The following CCAR2 variants were observed in gnomAD, a reference collection of about 807,000 sequenced individuals.
CCAR2 encodes cell cycle and apoptosis regulator 2.
CCAR2 carries 21 observed loss-of-function variants against 108.1 expected under a neutral mutation model. The observed-to-expected ratio is 0.19, with a 90% confidence interval of 0.14 to 0.28. The LOEUF is 0.28. Among genes scored for constraint, CCAR2 ranks in the 10% least tolerant of loss-of-function variants. The pLI, the probability that CCAR2 is intolerant of heterozygous loss-of-function variation, is 1.00. For missense variants in CCAR2, 1,126 were observed against 1,177.0 expected (o/e 0.96, Z 0.63); for synonymous variants, 577 against 472.8 (o/e 1.22, Z -2.86).
chr8:22,618,082 G>A, intron 16 of CCAR2: 1 of 595,038 alleles, frequency 1.7e-6, no homozygotes, highest in Non-Finnish European at 3.0e-6. Flanking sequence ...CAAGGTGCTT[G>A]ATGTTTTGTT....
rs1045467907 is a variant in CCAR2 at position 22,620,382 on chromosome 8, C to T, written c.*700C>T. 1 of 151,116 alleles carries T rather than the reference C, an allele frequency of 6.6e-6. No individual in the cohort carries two copies. The highest frequency in any genetic ancestry group is 1.5e-5 in the Non-Finnish European group (1 of 67,760). 9.4% of individuals were successfully genotyped at this position (151,116 alleles called of 1,614,324 possible). On this transcript the variant is annotated 3_prime_UTR_variant, in exon 21 of 21. Coordinates refer to ENST00000308511, the MANE Select transcript of CCAR2 (RefSeq NM_001393997.1). ...ATAATTCTTGCCTCTTTCCATAATC[C>T]GTGGTTTCAGTTTGACTTTGTATAT...
intron 20 of CCAR2, 24 bp downstream of exon 20, chr8:22,619,379 G>A (rs1554563271): frequency 6.5e-7 from 1 of 1,549,376 alleles, no homozygotes; most frequent in Non-Finnish European, 8.7e-7. Context: ...GGACCAGGAG[G>A]CAGCACAGCT....
intron 6 of CCAR2, 134 bp downstream of exon 6, chr8:22,607,459 TG>T: frequency 1.1e-6 from 1 of 929,388 alleles, no homozygotes; most frequent in Non-Finnish European, 1.5e-6. Flanking sequence ...TCTGGATAGG[TG>T]TTTAGGGTTT....
intron 20 of CCAR2, 96 bp from the exon 21 acceptor site, chr8:22,619,542 G>A (rs1321067157): frequency 2.8e-6 from 4 of 1,448,410 alleles, no homozygotes; most frequent in Non-Finnish European, 3.8e-6. Context: ...TCAGCAGCGT[G>A]CAGTGGGAGC....
chr8:22,617,193 C>T (rs1304638743), intron 14 of CCAR2, among the ~76,000 whole-genome samples: 1 of 152,088 alleles, frequency 6.6e-6, no homozygotes, highest in Non-Finnish European at 1.5e-5. Context: ...GTAATTTCTT[C>T]TGGGACCAAG....
rs1801052532 is a variant in CCAR2, at chr8:22,605,796, G to A, written c.23G>A (p.Arg8Gln). Residue 8 changes from arginine (R) to glutamine (Q), a missense_variant, in exon 2 of 21, where the codon CGG becomes CAG. Transcript: ENST00000308511. ...CCAATGTCCCAGTTTAAGCGCCAGC[G>A]GATCAACCCGCTTCCAGGGGGACGC... is the stretch of plus-strand genomic sequence containing the variant. MSQFKRQ[R>Q]INPLPGGRNF... 1 of 1,614,032 alleles carries A rather than the reference G, an allele frequency of 6.2e-7. No homozygotes were observed. The highest frequency in any genetic ancestry group is 8.5e-7 in the Non-Finnish European group (1 of 1,179,952).
chr8:22,617,904 G>A, intron 16 of CCAR2, 126 bp downstream of exon 16: 1 of 974,632 alleles, frequency 1.0e-6, no homozygotes, highest in Non-Finnish European at 1.6e-6. Flanking sequence ...CACACAGTGT[G>A]GTCCTTGGCT....
intron 3 of CCAR2, 141 bp from the exon 4 acceptor site, chr8:22,606,465 AC>A: frequency 1.4e-6 from 1 of 698,978 alleles, no homozygotes; most frequent in South Asian, 1.7e-5. Context: ...GAGTATGCCC[AC>A]CACACCTGTA....
chr8:22,615,558 G>C lies in CCAR2; in HGVS notation c.1339G>C (p.Ala447Pro), dbSNP rs201897291. 27 of 1,613,864 alleles carry C rather than the reference G, an allele frequency of 1.7e-5. No individual in the cohort carries two copies. Among genetic ancestry groups the C allele is most frequent in the Non-Finnish European group, 2.2e-5 (26 of 1,180,036 alleles). Reference sequence around the variant, plus strand: ...GTGGGAGGCCCTGTGCCAGCAGAAAGCTGCAGAGGCAGCTCCCCCAACCCA... The same window carrying C: ...GTGGGAGGCCCTGTGCCAGCAGAAACCTGCAGAGGCAGCTCCCCCAACCCA... ...EEWEALCQQK[A>P]AEAAPPTQEA... The change falls in exon 12 of 21, where the codon GCT (alanine) becomes CCT (proline). Residue 447 changes from alanine (A) to proline (P), a missense_variant. By Grantham distance (27) the Ala-to-Pro change is conservative. Coordinates refer to ENST00000308511, the MANE Select transcript of CCAR2 (RefSeq NM_001393997.1).
chr8:22,611,286 G>A (rs1801264125), intron 7 of CCAR2, among the ~76,000 whole-genome samples: 1 of 151,152 alleles, frequency 6.6e-6, no homozygotes, highest in South Asian at 2.1e-4. Context: ...GCTTGAACCC[G>A]GGAGGCAGAA....
At chr8:22,606,823 T>C in intron 4 of CCAR2, 87 bp from the exon 5 acceptor site, 1 of 1,510,340 alleles carries the variant, frequency 6.6e-7, no homozygotes, top group Non-Finnish European at 9.2e-7. Flanking sequence ...GTGGGAAATC[T>C]TGATGGGAAA....
chr8:22,621,484 CCCGCTG>C (rs753873761), downstream of CCAR2: 2 of 1,613,836 alleles, frequency 1.2e-6, no homozygotes, highest in Non-Finnish European at 1.7e-6. Flanking sequence ...TTCTCCCGCT[CCCGCTG>C]CTCATCGGAG....
intron 3 of CCAR2, 45 bp from the exon 4 acceptor site, chr8:22,606,562 C>T (rs781310578): frequency 3.0e-5 from 45 of 1,497,298 alleles, no homozygotes; most frequent in Non-Finnish European, 4.0e-5. Flanking sequence ...GTGATTTTGT[C>T]CAGTTTCCTC....
intron 11 of CCAR2, 62 bp from the exon 12 acceptor site, chr8:22,615,363 G>T: frequency 6.4e-7 from 1 of 1,562,142 alleles, no homozygotes; most frequent in South Asian, 1.2e-5. Flanking sequence ...CCTTGCCTGT[G>T]AACGTGGTGT....
intron 10 of CCAR2, 74 bp from the exon 11 acceptor site, chr8:22,614,762 GGT>G (rs1387319775): frequency 6.3e-7 from 1 of 1,590,714 alleles, no homozygotes; most frequent in East Asian, 2.3e-5. Context: ...CATCCTGATG[GGT>G]GGCAGCCTTG....
At chr8:22,613,725 G>C (rs528429636) in intron 8 of CCAR2, among the ~76,000 whole-genome samples, 1 of 152,294 alleles carries the variant, frequency 6.6e-6, no homozygotes, top group African/African-American at 2.4e-5. Context: ...TTGTAAGTGA[G>C]ATTGAGCATA....
rs1408669483 is a variant in CCAR2 at position 22,604,835 on chromosome 8, GC to G, written c.-43del. 4.4e-6 allele frequency: 2 copies of G among 454,252 alleles called. No homozygotes were observed. The highest frequency in any genetic ancestry group is 3.1e-5 in the South Asian group (2 of 64,422). 28.1% of individuals were successfully genotyped at this position (454,252 alleles called of 1,614,324 possible). On this transcript the variant is annotated 5_prime_UTR_variant, in exon 1 of 21. Coordinates refer to ENST00000308511, the MANE Select transcript of CCAR2 (RefSeq NM_001393997.1). Reference sequence around the variant, plus strand: ...TTGTCCCCCCGGTGTCGCTGCCCTGGCCCGCAGGTGGGTTGGGGGGCCCCCT... The same window carrying G: ...TTGTCCCCCCGGTGTCGCTGCCCTGGCCGCAGGTGGGTTGGGGGGCCCCCT...
At position 22,613,118 on chromosome 8, in the gene CCAR2, C is replaced by G. The variant is rs1317710585; in HGVS notation, c.686C>G (p.Thr229Ser). The G allele has an allele frequency of 6.2e-7, 1 of 1,606,558 alleles. No homozygotes were observed. Among genetic ancestry groups the G allele is most frequent in the Admixed American group, 1.7e-5 (1 of 58,358 alleles). ...HDLPPYRVHL[T>S]PYTVDSPICD... ...CTGCCTCCTTACCGGGTCCACCTCA[C>G]TCCTTACACTGTGGACAGGTGAGTG... The change falls in exon 8 of 21, where the codon ACT (threonine) becomes AGT (serine). Residue 229 changes from threonine (T) to serine (S), a missense_variant. Coordinates refer to ENST00000308511, the MANE Select transcript of CCAR2 (RefSeq NM_001393997.1).
chr8:22,618,889 C>T lies in CCAR2; in HGVS notation c.2395C>T (p.His799Tyr). 6.2e-7 allele frequency: 1 copy of T among 1,614,020 alleles called. No homozygotes were observed. The highest frequency in any genetic ancestry group is 8.5e-7 in the Non-Finnish European group (1 of 1,180,050). Residue 799 changes from histidine (H) to tyrosine (Y), a missense_variant, in exon 19 of 21, where the codon CAC (histidine) becomes TAC (tyrosine). Physicochemically the swap from His to Tyr is moderately conservative, Grantham distance 83 (BLOSUM62 2). Coordinates refer to ENST00000308511, the MANE Select transcript of CCAR2 (RefSeq NM_001393997.1). ...GAAGCCAGGTGCTGCCCCCACAGAA[C>T]ACAAAGCCTTGGTGTCCCACAATGG... is the stretch of plus-strand genomic sequence containing the variant. ...STKPGAAPTE[H>Y]KALVSHNGSL...
Sources: allele counts gnomAD v4.1 joint callset (sites outside exome capture counted in the v4.1 genomes callset), GRCh38; gene constraint gnomAD v4.1.1; transcripts MANE v1.5; gene names NCBI Gene and HGNC (gene_info 2026-07-23, HGNC 2026-07-21).